Variants in SANBR observed in about 807,000 individuals in gnomAD.
SANBR encodes the protein SANT and BTB domain regulator of class switch recombination.
A neutral mutation model predicts 101.8 loss-of-function variants in SANBR; 77 were observed. That is an observed-to-expected ratio of 0.76 (90% CI 0.63 to 0.91). SANBR has a LOEUF of 0.91. SANBR is among the 40% of genes least tolerant of loss of function. The pLI is 0.00. For missense variants in SANBR, 875 were observed against 853.0 expected, an observed-to-expected ratio of 1.03 and a Z score of -0.32; for synonymous variants, 279 against 274.7, an observed-to-expected ratio of 1.02 and a Z score of -0.15.
intron 8 of SANBR, among the ~76,000 whole-genome samples, chr2:61,085,711 A>G (rs997457406): frequency 4.6e-5 from 7 of 151,884 alleles, no homozygotes; most frequent in African/African-American, 1.7e-4. Flanking sequence ...GGGTTTCACC[A>G]TGCTGGCCAG....
intron 5 of SANBR, among the ~76,000 whole-genome samples, chr2:61,076,461 CAA>C (rs11308796): frequency 8.3e-4 from 101 of 121,532 alleles, no homozygotes; most frequent in African/African-American, 1.7e-3. Flanking sequence ...ACTAAAAATA[CAA>C]AAAAAAAAAA....
In SANBR at chr2:61,123,658, T is replaced by C; in HGVS notation, c.*1496T>C. 1 of 985,446 alleles carries C rather than the reference T, an allele frequency of 1.0e-6. No individual in the cohort carries two copies. The highest frequency in any genetic ancestry group is 1.2e-6 in the Non-Finnish European group (1 of 829,808). The allele number at this position is 985,446 out of a possible 1,614,324, so 61.0% of individuals were successfully genotyped here. On this transcript the variant is annotated 3_prime_UTR_variant, in exon 22 of 22. Coordinates refer to ENST00000402291, the MANE Select transcript of SANBR (RefSeq NM_001129993.3). ...GTACATGTAAACAGTGCTGTAATGG[T>C]CACGACTAGATAAGGAAAAAATATA...
At chr2:61,111,968 G>A (rs1683850466) in intron 16 of SANBR, among the ~76,000 whole-genome samples, 1 of 152,190 alleles carries the variant, frequency 6.6e-6, no homozygotes, top group South Asian at 2.1e-4. Context: ...GCATATGGGT[G>A]CTTTCCTCTT....
At chr2:61,124,583 G>C (rs547209989), downstream of SANBR, among the ~76,000 whole-genome samples, 20 of 152,124 alleles carry the variant, frequency 1.3e-4, no homozygotes, top group East Asian at 3.9e-3. Flanking sequence ...GCACACACCT[G>C]TGGTCCCAGC....
intron 11 of SANBR, among the ~76,000 whole-genome samples, chr2:61,095,778 G>T (rs1026538750): frequency 1.3e-5 from 2 of 151,942 alleles, no homozygotes; most frequent in African/African-American, 4.8e-5. Context: ...AGAGTCCCCC[G>T]CAAAAAGAAA....
chr2:61,129,393 G>A (rs1380462047), intron 20 of SANBR, among the ~76,000 whole-genome samples: 4 of 150,664 alleles, frequency 2.7e-5, no homozygotes, highest in South Asian at 2.1e-4. Context: ...GCCGTGAGCC[G>A]AGATCATGAC....
intron 13 of SANBR, among the ~76,000 whole-genome samples, chr2:61,104,713 C>T (rs1485238149): frequency 2.6e-5 from 4 of 152,100 alleles, no homozygotes; most frequent in East Asian, 1.9e-4. Context: ...TTTCTGAAGT[C>T]GCGTTCATCA....
intron 12 of SANBR, among the ~76,000 whole-genome samples, chr2:61,098,994 AT>A (rs1683165139): frequency 6.6e-6 from 1 of 152,254 alleles, no homozygotes; most frequent in Non-Finnish European, 1.5e-5. Flanking sequence ...AGGAGCTGGC[AT>A]TAGGTTGAGA....
intron 5 of SANBR, chr2:61,075,128 A>T (rs1379147876): frequency 1.3e-5 from 2 of 152,098 alleles, no homozygotes; most frequent in Non-Finnish European, 2.9e-5. Context: ...TTGTATCAGG[A>T]ATGTGTGAAT....
chr2:61,073,371 A>T, intron 4 of SANBR, 87 bp from the exon 5 acceptor site: 1 of 555,752 alleles, frequency 1.8e-6, no homozygotes, highest in Non-Finnish European at 3.2e-6. Context: ...TTACAGTATT[A>T]CCATTCAATA....
intron 4 of SANBR, among the ~76,000 whole-genome samples, chr2:61,072,131 G>A (rs965873357): frequency 4.6e-5 from 7 of 152,076 alleles, no homozygotes; most frequent in Non-Finnish European, 1.0e-4. Flanking sequence ...TAGAGACCAG[G>A]TTTTGCTGTG....
At chr2:61,069,182 C>T (rs1027529068) in intron 2 of SANBR, among the ~76,000 whole-genome samples, 197 bp downstream of exon 2, 7 of 152,178 alleles carry the variant, frequency 4.6e-5, no homozygotes, top group African/African-American at 1.7e-4. Context: ...GTACCACATT[C>T]ACGACCCCTG....
chr2:61,117,296 C>G, intron 17 of SANBR, 61 bp from the exon 18 acceptor site: 1 of 1,418,146 alleles, frequency 7.1e-7, no homozygotes, highest in Admixed American at 1.7e-5. Context: ...TTATTACTAA[C>G]TATAGCACTA....
downstream of SANBR, among the ~76,000 whole-genome samples, chr2:61,124,836 C>G (rs1343724810): frequency 1.3e-5 from 2 of 152,140 alleles, no homozygotes; most frequent in Non-Finnish European, 2.9e-5. Context: ...TTATTTGTTA[C>G]TTTCCTTCTT....
chr2:61,109,387 A>G, intron 16 of SANBR, 91 bp downstream of exon 16: 2 of 658,324 alleles, frequency 3.0e-6, no homozygotes, highest in South Asian at 6.5e-5. Context: ...AATTGGTTTT[A>G]TATAGAGAGT....
intron 16 of SANBR, among the ~76,000 whole-genome samples, chr2:61,112,081 G>C (rs1683854760): frequency 6.6e-6 from 1 of 152,110 alleles, no homozygotes; most frequent in Non-Finnish European, 1.5e-5. Flanking sequence ...GAAATTACTA[G>C]ATCATATGGT....
At chr2:61,099,972 T>C (rs1429065515) in intron 12 of SANBR, among the ~76,000 whole-genome samples, 1 of 152,046 alleles carries the variant, frequency 6.6e-6, no homozygotes, top group Non-Finnish European at 1.5e-5. Flanking sequence ...AGAAGCCAGG[T>C]TTTTATGGGT....
At chr2:61,107,117 G>A (rs180748637) in intron 14 of SANBR, among the ~76,000 whole-genome samples, 5 of 149,594 alleles carry the variant, frequency 3.3e-5, no homozygotes, top group African/African-American at 9.9e-5. Flanking sequence ...GCAGTGAGCC[G>A]AGATCACACT....
rs1159878825 is a variant in SANBR, at chr2:61,123,606, T to G, written c.*1444T>G. 1 of 984,184 alleles carries G rather than the reference T, an allele frequency of 1.0e-6. No homozygotes were observed. Among genetic ancestry groups the G allele is most frequent in the Non-Finnish European group, 1.2e-6 (1 of 828,786 alleles). The allele number at this position is 984,184 out of a possible 1,614,324, so 61.0% of individuals were successfully genotyped here. On this transcript the variant is annotated 3_prime_UTR_variant, in exon 22 of 22. Transcript: ENST00000402291. ...CCAGAGTTTTTTTTGTAGTTTACTG[T>G]GTTTTCTGATTAAAGGATTTGGATT... is the stretch of plus-strand genomic sequence containing the variant.
Sources: gnomAD v4.1 joint callset for allele counts (sites outside exome capture counted in the v4.1 genomes callset) on GRCh38, gnomAD v4.1.1 for gene constraint, MANE v1.5 for transcripts, NCBI Gene and HGNC (gene_info 2026-07-23, HGNC 2026-07-21) for gene names.